Variants in LUZP2 observed in about 807,000 individuals in gnomAD.
The protein encoded by LUZP2 is leucine zipper protein 2.
Under a neutral mutation model 51.6 loss-of-function variants are expected in LUZP2, and 52 were observed. That is an observed-to-expected ratio of 1.01 (90% CI 0.81 to 1.27). The LOEUF (loss-of-function observed/expected upper bound fraction) is 1.27, where lower values mean the gene tolerates loss of function less well. Ranked by LOEUF, LUZP2 falls within the 50% of genes most tolerant of loss-of-function variation. LUZP2 has a pLI of 0.00. For synonymous variants in LUZP2, 154 were observed against 137.3 expected, an observed-to-expected ratio of 1.12 and a Z score of -0.85; for missense variants, 436 against 395.4, an observed-to-expected ratio of 1.10 and a Z score of -0.87.
At chr11:24,938,367 T>C (rs1298631680) in intron 7 of LUZP2, among the ~76,000 whole-genome samples, 1 of 152,186 alleles carries the variant, frequency 6.6e-6, no homozygotes, top group Non-Finnish European at 1.5e-5. Context: ...GAGTACATTG[T>C]CCTTTTCAAC....
At chr11:25,016,013 C>G (rs1039657678) in intron 9 of LUZP2, among the ~76,000 whole-genome samples, 1 of 151,470 alleles carries the variant, frequency 6.6e-6, no homozygotes, top group Non-Finnish European at 1.5e-5. Flanking sequence ...CTCCACCTCC[C>G]GGGTTCACGC....
At chr11:24,552,595 A>C (rs1235005606) in intron 1 of LUZP2, among the ~76,000 whole-genome samples, 1 of 152,020 alleles carries the variant, frequency 6.6e-6, no homozygotes, top group African/African-American at 2.4e-5. Context: ...AGAACTACTA[A>C]ATGTATTCAG....
intron 1 of LUZP2, among the ~76,000 whole-genome samples, chr11:24,614,481 A>G (rs1235271899): frequency 6.6e-6 from 1 of 151,996 alleles, no homozygotes; most frequent in Non-Finnish European, 1.5e-5. Flanking sequence ...TTTTATTATC[A>G]CTAGTAGTAA....
At chr11:24,629,540 A>G (rs1193756007) in intron 1 of LUZP2, among the ~76,000 whole-genome samples, 1 of 105,204 alleles carries the variant, frequency 9.5e-6, no homozygotes, top group Non-Finnish European at 1.8e-5. Context: ...ATATATATAT[A>G]TTCCATTGCA....
chr11:24,707,328 A>G (rs1250892345), intron 1 of LUZP2, among the ~76,000 whole-genome samples: 1 of 149,282 alleles, frequency 6.7e-6, no homozygotes, highest in African/African-American at 2.5e-5. Flanking sequence ...GTGTGTGTGC[A>G]TGTGTGTGTC....
Position 24,649,982 on chromosome 11 carries a change from C to G in LUZP2, c.63-79187C>G, listed in dbSNP as rs866973325. Among the ~76,000 whole-genome samples the G allele has an allele frequency of 4.3e-3, 602 of 139,834 alleles. 3 individuals are homozygous for G. The highest frequency in any genetic ancestry group is 0.013 in the African/African-American group (459 of 35,958). 91.7% of individuals were successfully genotyped at this position (139,834 alleles called of 152,430 possible). ...ACACACACATACACACAGAGACACA[C>G]ACACACACACACACACACACACACA... On this transcript the variant is annotated intron_variant, in intron 1 of 11. Coordinates refer to ENST00000336930, the MANE Select transcript of LUZP2 (RefSeq NM_001009909.4).
intron 1 of LUZP2, among the ~76,000 whole-genome samples, chr11:24,602,124 ATGTATATG>A (rs1565020397): frequency 1.7e-3 from 199 of 114,692 alleles, no homozygotes; most frequent in African/African-American, 6.7e-3. Context: ...ATATGTATAT[ATGTATATG>A]TGTATATATG....
chr11:24,788,705 C>A (rs1906097), intron 5 of LUZP2, among the ~76,000 whole-genome samples: 149,712 of 152,182 alleles, frequency 0.98, 73,676 homozygotes, highest in Non-Finnish European at 1. Context: ...ATGGAGGCTG[C>A]CAATTCCATA....
At chr11:24,572,210 A>T (rs572362992) in intron 1 of LUZP2, among the ~76,000 whole-genome samples, 1 of 152,172 alleles carries the variant, frequency 6.6e-6, no homozygotes, top group East Asian at 1.9e-4. Context: ...TATTTTAAAT[A>T]AACTGAATTA....
At chr11:24,686,015 G>A (rs1565076447) in intron 1 of LUZP2, among the ~76,000 whole-genome samples, 1 of 152,068 alleles carries the variant, frequency 6.6e-6, no homozygotes, top group East Asian at 1.9e-4. Context: ...CTTATATAGT[G>A]TTGTAATCAT....
At chr11:24,678,077 G>GA in intron 1 of LUZP2, among the ~76,000 whole-genome samples, 1 of 59,678 alleles carries the variant, frequency 1.7e-5, no homozygotes, top group East Asian at 4.0e-4. Flanking sequence ...AAGGAGAAAG[G>GA]GGGGGGGGGG....
intron 1 of LUZP2, among the ~76,000 whole-genome samples, chr11:24,619,036 A>G (rs1854399314): frequency 1.5e-5 from 2 of 132,268 alleles, no homozygotes; most frequent in Admixed American, 7.3e-5. Context: ...TTATTTATTT[A>G]TTTATTTATT....
At chr11:24,929,334 ACT>A (rs1326623449) in intron 7 of LUZP2, among the ~76,000 whole-genome samples, 1 of 151,712 alleles carries the variant, frequency 6.6e-6, no homozygotes, top group East Asian at 1.9e-4. Flanking sequence ...GCTTTTCCAA[ACT>A]TTTTTATGTA....
At chr11:24,921,875 C>T (rs1363874585) in intron 7 of LUZP2, among the ~76,000 whole-genome samples, 1 of 152,002 alleles carries the variant, frequency 6.6e-6, no homozygotes, top group Non-Finnish European at 1.5e-5. Flanking sequence ...TTACTCAGGT[C>T]TGTAATGTGT....
chr11:24,547,726 C>T (rs1851601465), intron 1 of LUZP2, among the ~76,000 whole-genome samples: 1 of 151,978 alleles, frequency 6.6e-6, no homozygotes, highest in African/African-American at 2.4e-5. Flanking sequence ...CAAGTGCGGC[C>T]TAATTAAAGA....
chr11:24,926,621 A>ATGTGTG (rs1854279598), intron 7 of LUZP2, among the ~76,000 whole-genome samples: 3 of 143,360 alleles, frequency 2.1e-5, no homozygotes, highest in African/African-American at 7.7e-5. Flanking sequence ...ATGTATATAT[A>ATGTGTG]TATGTGTGTA....
chr11:24,808,846 C>T (rs771530283), intron 5 of LUZP2, among the ~76,000 whole-genome samples: 1 of 152,016 alleles, frequency 6.6e-6, no homozygotes, highest in Non-Finnish European at 1.5e-5. Flanking sequence ...TTAGGTAACT[C>T]ATTAACTAAA....
chr11:24,778,958 G>A (rs1200453601), intron 5 of LUZP2, among the ~76,000 whole-genome samples: 1 of 152,128 alleles, frequency 6.6e-6, no homozygotes. Context: ...GTGGTCATTA[G>A]TATTTCAAAC....
At chr11:25,047,862 G>A (rs981880459) in intron 9 of LUZP2, among the ~76,000 whole-genome samples, 10 of 151,976 alleles carry the variant, frequency 6.6e-5, no homozygotes, top group African/African-American at 1.9e-4. Context: ...ACCCTATGCC[G>A]GGTAAGAGTG....
Sources: allele counts gnomAD v4.1 joint callset (sites outside exome capture counted in the v4.1 genomes callset), GRCh38; gene constraint gnomAD v4.1.1; transcripts MANE v1.5; gene names NCBI Gene and HGNC (gene_info 2026-07-23, HGNC 2026-07-21).